The following PITHD1 variants were observed in gnomAD, a reference collection of about 807,000 sequenced individuals.
The protein encoded by PITHD1 is PITH domain containing 1.
In PITHD1, 8 loss-of-function variants were observed where a neutral mutation model predicts 27.5. The observed-to-expected ratio is 0.29, with a 90% CI of 0.17 to 0.52. The LOEUF (loss-of-function observed/expected upper bound fraction) is 0.52, where lower values mean the gene tolerates loss of function less well. Ranked by LOEUF, PITHD1 falls within the 20% of genes least tolerant of loss-of-function variation. The pLI is 0.96. For missense variants in PITHD1, 233 were observed against 283.9 expected (o/e 0.82, Z 1.29); for synonymous variants, 118 against 106.8 (o/e 1.10, Z -0.64).
chr1:23,780,745 C>T lies in PITHD1; in HGVS notation c.320+804C>T, dbSNP rs182197848. ...CAAAAATTAGCTGGGCCTGGTGGTG[C>T]GTGCCTGTAATCCCAGCTACTAGGG... is the stretch of plus-strand genomic sequence containing the variant. On this transcript the variant is annotated intron_variant, in intron 3 of 5. Coordinates refer to ENST00000246151, the MANE Select transcript of PITHD1 (RefSeq NM_020362.5). Among the ~76,000 whole-genome samples the T allele has an allele frequency of 2.6e-3, 399 of 151,724 alleles. 6 individuals carry two copies. The East Asian group carries it at 0.053, about 20-fold the overall frequency.
chr1:23,787,127 T>C lies in PITHD1; in HGVS notation c.535-148T>C, dbSNP rs1638697130. ...AAAAAGTATCAAAATTGGGAGATAT[T>C]AGATGATGACATCTAAGTATTAAAA... On this transcript the variant is annotated intron_variant, in intron 5 of 5. Coordinates refer to ENST00000246151, the MANE Select transcript of PITHD1 (RefSeq NM_020362.5). 5.7e-6 allele frequency: 3 copies of C among 530,078 alleles called. No homozygotes were observed. In the South Asian group the frequency reaches 7.4e-5, roughly 13 times the overall value. The allele number at this position is 530,078 out of a possible 1,614,324, so 32.8% of individuals were successfully genotyped here. A position where few individuals can be genotyped will look rare whatever the true frequency, so the allele number is the denominator to read the frequency against.
intron 5 of PITHD1, among the ~76,000 whole-genome samples, chr1:23,786,972 A>G (rs1180343439): frequency 6.6e-6 from 1 of 152,122 alleles, no homozygotes; most frequent in Non-Finnish European, 1.5e-5. Context: ...TTTTCTATTC[A>G]TGAACCAGGG....
At position 23,787,387 on chromosome 1, in the gene PITHD1, A is replaced by G. The variant is rs747098373; in HGVS notation, c.*11A>G. On this transcript the variant is annotated 3_prime_UTR_variant, in exon 6 of 6. Transcript: ENST00000246151. ...CACTTTATTTCCTAAGGGCTGGCCA[A>G]GGCTCCCATAGAGGCGCTGTGTCAG... is the stretch of plus-strand genomic sequence containing the variant. The G allele has an allele frequency of 7.0e-7, 1 of 1,435,142 alleles. No individual in the cohort carries two copies. The highest frequency in any genetic ancestry group is 1.4e-5 in the African/African-American group (1 of 71,298). 88.9% of individuals were successfully genotyped at this position (1,435,142 alleles called of 1,614,324 possible). A position where few individuals can be genotyped will look rare whatever the true frequency, so the allele number is the denominator to read the frequency against.
intron 5 of PITHD1, among the ~76,000 whole-genome samples, chr1:23,786,731 A>T (rs1638690593): frequency 6.6e-6 from 1 of 151,618 alleles, no homozygotes. Context: ...CTGGGATTAC[A>T]GGTGCCCACT....
rs1263729116 is a variant in PITHD1 at position 23,778,495 on chromosome 1, C to T, written c.-21C>T. 7.5e-7 allele frequency: 1 copy of T among 1,340,232 alleles called. No homozygotes were observed. The highest frequency in any genetic ancestry group is 1.9e-5 in the South Asian group (1 of 52,674). The allele number at this position is 1,340,232 out of a possible 1,614,324, so 83.0% of individuals were successfully genotyped here. On this transcript the variant is annotated 5_prime_UTR_variant, in exon 1 of 6. In the 5' UTR this introduces an upstream ATG that the reference lacks. Coordinates refer to ENST00000246151, the MANE Select transcript of PITHD1 (RefSeq NM_020362.5). ...GAGCGCGGCGGTGGGGCCGAGAGGA[C>T]GCGCAGGTGGCGGCGTTGCCATGTC...
At chr1:23,782,550 G>A (rs1038241064) in intron 3 of PITHD1, among the ~76,000 whole-genome samples, 3 of 152,034 alleles carry the variant, frequency 2.0e-5, no homozygotes, top group East Asian at 1.9e-4. Context: ...AATTAAGATC[G>A]TAAGATCATA....
intron 1 of PITHD1, 63 bp downstream of exon 1, chr1:23,778,776 C>A: frequency 1.0e-6 from 1 of 953,502 alleles, no homozygotes; most frequent in Non-Finnish European, 1.4e-6. Flanking sequence ...GGCCGTCGGT[C>A]TACTCATTTC....
intron 3 of PITHD1, among the ~76,000 whole-genome samples, chr1:23,783,319 A>G (rs1557467033): frequency 6.7e-6 from 1 of 149,846 alleles, no homozygotes; most frequent in Non-Finnish European, 1.5e-5. Flanking sequence ...ATATACGCAT[A>G]TATATATACA....
At position 23,784,240 on chromosome 1, in the gene PITHD1, T is replaced by C. The variant is rs935053340; in HGVS notation, c.321-1435T>C. Among the ~76,000 whole-genome samples, 402 of 137,186 alleles carry C rather than the reference T, an allele frequency of 2.9e-3. 2 individuals carry two copies. The highest frequency in any genetic ancestry group is 0.011 in the African/African-American group (389 of 36,696). 90.0% of individuals were successfully genotyped at this position (137,186 alleles called of 152,430 possible). On this transcript the variant is annotated intron_variant, in intron 3 of 5. Transcript: ENST00000246151. ...TGAAGTAAACATTTGCTTTCTTTTTTTTTTTTTTTTTTTTTTTTGAGACGG... is the reference window on the plus strand; with the variant it reads ...TGAAGTAAACATTTGCTTTCTTTTTCTTTTTTTTTTTTTTTTTTGAGACGG...
intron 3 of PITHD1, among the ~76,000 whole-genome samples, chr1:23,781,508 C>G (rs1638601389): frequency 6.6e-6 from 1 of 151,366 alleles, no homozygotes; most frequent in South Asian, 2.1e-4. Context: ...TAAAGGACTT[C>G]CAGAGATTTA....
At chr1:23,781,928 C>G (rs1182774923) in intron 3 of PITHD1, among the ~76,000 whole-genome samples, 2 of 152,068 alleles carry the variant, frequency 1.3e-5, no homozygotes, top group Admixed American at 1.3e-4. Context: ...ACATAGCCCT[C>G]AGTTCTAAGC....
Position 23,780,806 on chromosome 1 carries a change from C to G in PITHD1, c.320+865C>G, listed in dbSNP as rs997849088. On this transcript the variant is annotated intron_variant, in intron 3 of 5. Coordinates refer to ENST00000246151, the MANE Select transcript of PITHD1 (RefSeq NM_020362.5). Reference sequence around the variant, plus strand: ...AGGAGAATTGCTTGAACCTGGGAGGCGGAGGTTGCAGCGAGCCGAGATCTC... The same window carrying G: ...AGGAGAATTGCTTGAACCTGGGAGGGGGAGGTTGCAGCGAGCCGAGATCTC... Among the ~76,000 whole-genome samples the G allele has an allele frequency of 4.0e-5, 6 of 151,328 alleles. No homozygotes were observed. In the South Asian group the frequency reaches 1.3e-3, roughly 32 times the overall value.
intron 2 of PITHD1, 86 bp downstream of exon 2, chr1:23,779,567 C>T: frequency 1.9e-6 from 2 of 1,030,908 alleles, no homozygotes. Context: ...GTCAAGAGCA[C>T]ACATTTGCTT....
At chr1:23,782,211 G>C (rs979336247) in intron 3 of PITHD1, among the ~76,000 whole-genome samples, 1 of 152,070 alleles carries the variant, frequency 6.6e-6, no homozygotes, top group Non-Finnish European at 1.5e-5. Context: ...CTGAGGTCAG[G>C]AGTTCAAGAC....
chr1:23,781,283 C>T (rs1443479514), intron 3 of PITHD1, among the ~76,000 whole-genome samples: 3 of 151,822 alleles, frequency 2.0e-5, no homozygotes, highest in Admixed American at 6.6e-5. Flanking sequence ...GTCAACATGG[C>T]GAAACCCTGT....
rs1638548768 is a variant in PITHD1 at position 23,778,721 on chromosome 1, G to A, written c.198+8G>A. ...CGGACCGACCGCTCCAAGGTGGGCCGCCTGGGGCTTGGGGCGGGCGGGGCA... is the reference window on the plus strand; with the variant it reads ...CGGACCGACCGCTCCAAGGTGGGCCACCTGGGGCTTGGGGCGGGCGGGGCA... On this transcript the variant is annotated splice_region_variant and intron_variant, in intron 1 of 5. Transcript: ENST00000246151. The A allele has an allele frequency of 1.6e-6, 2 of 1,273,554 alleles. No individual in the cohort carries two copies. The highest frequency in any genetic ancestry group is 4.2e-5 in the Admixed American group (1 of 23,982). 78.9% of individuals were successfully genotyped at this position (1,273,554 alleles called of 1,614,324 possible). A position where few individuals can be genotyped will look rare whatever the true frequency, so the allele number is the denominator to read the frequency against.
chr1:23,786,104 G>A (rs1638678280), intron 4 of PITHD1, among the ~76,000 whole-genome samples: 1 of 152,196 alleles, frequency 6.6e-6, no homozygotes, highest in African/African-American at 2.4e-5. Flanking sequence ...GGCAGGAGCA[G>A]TGTTTATCCC....
At chr1:23,782,913 T>G (rs1570611549) in intron 3 of PITHD1, among the ~76,000 whole-genome samples, 1 of 151,958 alleles carries the variant, frequency 6.6e-6, no homozygotes, top group African/African-American at 2.4e-5. Context: ...AAAAAAAAAT[T>G]TAAAAAAGTG....
chr1:23,780,048 C>T (rs557925602), intron 3 of PITHD1, 107 bp downstream of exon 3: 6 of 738,886 alleles, frequency 8.1e-6, no homozygotes, highest in South Asian at 7.8e-5. Flanking sequence ...TTAATATTTC[C>T]CCTTTTAAAA....
Sources: allele counts gnomAD v4.1 joint callset (sites outside exome capture counted in the v4.1 genomes callset), GRCh38; gene constraint gnomAD v4.1.1; transcripts MANE v1.5; gene names NCBI Gene and HGNC (gene_info 2026-07-23, HGNC 2026-07-21).